Variants in AGMO observed in about 807,000 individuals in gnomAD.
The protein encoded by AGMO is alkylglycerol monooxygenase, also known as glyceryl-ether monooxygenase.
In AGMO, 75 loss-of-function variants were observed where a neutral mutation model predicts 60.2. The ratio of observed to expected loss-of-function variants is 1.25; its 90% CI spans 1.03 to 1.51. The LOEUF (loss-of-function observed/expected upper bound fraction) is 1.51. Among genes scored for constraint, AGMO ranks in the 40% most tolerant of loss-of-function variants. AGMO has a pLI of 0.00. For synonymous variants in AGMO, 261 were observed against 177.1 expected (o/e 1.47, Z -3.76); for missense variants, 763 against 525.5 (o/e 1.45, Z -4.42).
At chr7:15,183,812 C>T in the AGMO span, among the ~76,000 whole-genome samples, 1 of 152,036 alleles carries the variant, frequency 6.6e-6, no homozygotes. Context: ...TAGTTGTATT[C>T]AAATAAAAAA....
At chr7:15,243,044 T>C (rs6956259) in intron 12 of AGMO, among the ~76,000 whole-genome samples, 49,547 of 151,596 alleles carry the variant, frequency 0.33, 9,518 homozygotes, top group East Asian at 0.5. Context: ...TTTAAATGGC[T>C]ATTCTATTAT....
At chr7:15,423,918 C>T (rs1260517407) in intron 4 of AGMO, among the ~76,000 whole-genome samples, 1 of 152,144 alleles carries the variant, frequency 6.6e-6, no homozygotes, top group East Asian at 1.9e-4. Context: ...TGTTCTAAGC[C>T]ACCTAGCTCT....
intron 10 of AGMO, among the ~76,000 whole-genome samples, chr7:15,376,123 C>CGG (rs2128568652): frequency 6.6e-6 from 1 of 152,228 alleles, no homozygotes; most frequent in African/African-American, 2.4e-5. Flanking sequence ...TCCGTTACTA[C>CGG]AAATCCATTA....
intron 3 of AGMO, among the ~76,000 whole-genome samples, chr7:15,508,896 T>C (rs1054113517): frequency 2.0e-5 from 3 of 152,206 alleles, no homozygotes; most frequent in Non-Finnish European, 4.4e-5. Context: ...TAAATGTATG[T>C]CATGCTTTCT....
At chr7:15,132,224 T>C in the AGMO span, among the ~76,000 whole-genome samples, 1 of 152,154 alleles carries the variant, frequency 6.6e-6, no homozygotes, top group African/African-American at 2.4e-5. Context: ...TGACTTTATT[T>C]AGGCATTCAT....
intron 8 of AGMO, among the ~76,000 whole-genome samples, chr7:15,388,405 G>A (rs747243867): frequency 2.0e-5 from 3 of 152,106 alleles, no homozygotes; most frequent in Non-Finnish European, 4.4e-5. Context: ...TTAGGTGGAA[G>A]CTTCGCCTGG....
chr7:15,357,873 T>TAA (rs1322292746), intron 12 of AGMO, among the ~76,000 whole-genome samples: 2 of 152,186 alleles, frequency 1.3e-5, no homozygotes, highest in Admixed American at 6.6e-5. Flanking sequence ...TTTAAGCCAT[T>TAA]AAGTTTTGGC....
chr7:15,184,172 T>C, the AGMO span, among the ~76,000 whole-genome samples: 2 of 151,938 alleles, frequency 1.3e-5, no homozygotes, highest in Admixed American at 1.3e-4. Flanking sequence ...CTTGAATTTT[T>C]AAAGCTTTAA....
chr7:15,342,308 G>A (rs914135222), intron 12 of AGMO, among the ~76,000 whole-genome samples: 1 of 151,832 alleles, frequency 6.6e-6, no homozygotes, highest in African/African-American at 2.4e-5. Flanking sequence ...AGTGTGCAAT[G>A]CTGTGAAGAC....
intron 12 of AGMO, among the ~76,000 whole-genome samples, chr7:15,227,423 A>C (rs796757327): frequency 1.8e-4 from 27 of 152,120 alleles, no homozygotes; most frequent in African/African-American, 6.5e-4. Context: ...AAACAAACAA[A>C]TATATCAACA....
chr7:15,304,939 T>C (rs2128528064), intron 12 of AGMO, among the ~76,000 whole-genome samples: 1 of 152,050 alleles, frequency 6.6e-6, no homozygotes, highest in South Asian at 2.1e-4. Context: ...TGGATAAAAA[T>C]TTTCTCTTGC....
chr7:15,478,844 T>G (rs926385651), intron 3 of AGMO, among the ~76,000 whole-genome samples: 1 of 152,210 alleles, frequency 6.6e-6, no homozygotes, highest in Non-Finnish European at 1.5e-5. Flanking sequence ...TTTGTATTGA[T>G]ATTGTATATT....
chr7:15,388,513 C>G lies in AGMO; in HGVS notation c.823-973G>C, dbSNP rs376735329. On this transcript the variant is annotated intron_variant, in intron 8 of 12. Transcript: ENST00000342526. Reference sequence around the variant, plus strand: ...GTTTTGTAATTTTGGAAACTGAGTACAGTTTTGTTTCTATCATTCTGGACA... The same window carrying G: ...GTTTTGTAATTTTGGAAACTGAGTAGAGTTTTGTTTCTATCATTCTGGACA... Among the ~76,000 whole-genome samples, 11 of 152,264 alleles carry G rather than the reference C, an allele frequency of 7.2e-5. No individual in the cohort carries two copies. In the East Asian group the frequency reaches 1.7e-3, roughly 24 times the overall value.
At chr7:15,183,628 T>C in the AGMO span, among the ~76,000 whole-genome samples, 1 of 152,158 alleles carries the variant, frequency 6.6e-6, no homozygotes, top group Admixed American at 6.5e-5. Context: ...AGAAAGTTGC[T>C]TACACTCTGT....
chr7:15,486,144 T>C (rs922975107), intron 3 of AGMO, among the ~76,000 whole-genome samples: 2 of 152,118 alleles, frequency 1.3e-5, no homozygotes, highest in African/African-American at 4.8e-5. Context: ...CCTCCAACTG[T>C]ACAGAGGTGT....
chr7:15,293,697 AACT>A (rs2128523119), intron 12 of AGMO, among the ~76,000 whole-genome samples: 1 of 152,258 alleles, frequency 6.6e-6, no homozygotes, highest in South Asian at 2.1e-4. Context: ...TAATAATGTA[AACT>A]ACGCCTAATT....
At chr7:15,487,360 G>C (rs1445784692) in intron 3 of AGMO, among the ~76,000 whole-genome samples, 5 of 152,020 alleles carry the variant, frequency 3.3e-5, no homozygotes, top group African/African-American at 9.7e-5. Context: ...TGTGATTGGG[G>C]CATCTATAAC....
intron 3 of AGMO, among the ~76,000 whole-genome samples, chr7:15,435,292 T>C (rs1007536843): frequency 2.6e-5 from 4 of 151,086 alleles, no homozygotes; most frequent in Admixed American, 6.6e-5. Flanking sequence ...ACCTATCAAA[T>C]TGTTTTCCAA....
intron 12 of AGMO, among the ~76,000 whole-genome samples, chr7:15,293,557 A>T (rs1784333875): frequency 6.6e-6 from 1 of 152,200 alleles, no homozygotes; most frequent in Non-Finnish European, 1.5e-5. Flanking sequence ...AAACAACAAC[A>T]ACAAAAACTA....
Sources: gnomAD v4.1 joint callset for allele counts (sites outside exome capture counted in the v4.1 genomes callset) on GRCh38, gnomAD v4.1.1 for gene constraint, MANE v1.5 for transcripts, NCBI Gene and HGNC (gene_info 2026-07-23, HGNC 2026-07-21) for gene names.